RANBP17: variants seen among roughly 807,000 people sequenced by gnomAD.
The protein encoded by RANBP17 is RAN binding protein 17.
RANBP17 carries 158 observed loss-of-function variants against 141.2 expected under a neutral mutation model. The observed-to-expected ratio is 1.12, with a 90% CI of 0.98 to 1.28. RANBP17 has a LOEUF of 1.28. Ranked by LOEUF, RANBP17 falls within the 50% of genes most tolerant of loss-of-function variation. The probability of loss-of-function intolerance (pLI) is 0.00; values close to 1 mark genes in which losing one functional copy is unlikely to be tolerated. For missense variants in RANBP17, 1,438 were observed against 1,290.7 expected, an observed-to-expected ratio of 1.11 and a Z score of -1.75; for synonymous variants, 430 against 450.0, an observed-to-expected ratio of 0.96 and a Z score of 0.56.
intron 14 of RANBP17, among the ~76,000 whole-genome samples, chr5:171,062,832 C>A (rs1783993961): frequency 6.6e-6 from 1 of 152,156 alleles, no homozygotes; most frequent in African/African-American, 2.4e-5. Context: ...CACATAGTCC[C>A]ATATTTCTTG....
At chr5:171,205,444 G>A in intron 19 of RANBP17, 80 bp from the exon 20 acceptor site, 1 of 1,110,032 alleles carries the variant, frequency 9.0e-7, no homozygotes, top group East Asian at 2.4e-5. Context: ...TCAGATATGT[G>A]GTCATTATTG....
At chr5:171,048,214 C>T (rs1274085647) in intron 14 of RANBP17, among the ~76,000 whole-genome samples, 2 of 152,128 alleles carry the variant, frequency 1.3e-5, no homozygotes, top group Non-Finnish European at 2.9e-5. Context: ...AGGTGCACTA[C>T]ACACCCAACT....
At chr5:171,070,199 G>A (rs1448359230) in intron 14 of RANBP17, among the ~76,000 whole-genome samples, 1 of 152,030 alleles carries the variant, frequency 6.6e-6, no homozygotes, top group African/African-American at 2.4e-5. Flanking sequence ...TACTTGTAGG[G>A]CACTTTAATT....
At chr5:171,050,920 ATAGAAT>A (rs1330044392) in intron 14 of RANBP17, among the ~76,000 whole-genome samples, 1 of 152,182 alleles carries the variant, frequency 6.6e-6, no homozygotes, top group African/African-American at 2.4e-5. Flanking sequence ...GTATTCTCTA[ATAGAAT>A]TAGAATTAGA....
In RANBP17 at chr5:170,968,347, T is replaced by C. The variant is rs1054992173; in HGVS notation, c.1680T>C (p.Tyr560=). Residue 560 remains tyrosine (Y), a synonymous_variant, in exon 14 of 28, where the codon TAT becomes TAC. Coordinates refer to ENST00000523189, the MANE Select transcript of RANBP17 (RefSeq NM_022897.5). ...TCTTGGATCAGTTTCGTAAAACATA[T>C]GTTGGTGATCAACTTCAAAGAACCT... ...LWFLDQFRKT[Y]VGDQLQRTSK... 3.1e-6 allele frequency: 5 copies of C among 1,607,310 alleles called. No individual in the cohort carries two copies. The highest frequency in any genetic ancestry group is 2.7e-5 in the African/African-American group (2 of 74,562).
At position 171,219,069 on chromosome 5, in the gene RANBP17, CTT is replaced by C. The variant is rs1763399883; in HGVS notation, c.2340-2688_2340-2687del. Among the ~76,000 whole-genome samples, 4 of 152,120 alleles carry C rather than the reference CTT, an allele frequency of 2.6e-5. No individual in the cohort carries two copies. In the South Asian group the frequency reaches 8.3e-4, roughly 32 times the overall value. On this transcript the variant is annotated intron_variant, in intron 21 of 27. Coordinates refer to ENST00000523189, the MANE Select transcript of RANBP17 (RefSeq NM_022897.5). ...ATATTTAGCACTTACTTTAGGAGCT[CTT>C]GTAAGGCAGACCTGGTGGTGACAAA...
chr5:171,118,550 A>G (rs776090229), intron 14 of RANBP17, among the ~76,000 whole-genome samples: 2 of 151,922 alleles, frequency 1.3e-5, no homozygotes, highest in Admixed American at 6.5e-5. Context: ...TTTTCTTTGT[A>G]TGTATCCTCT....
chr5:171,037,534 G>A (rs1241464860), intron 14 of RANBP17, among the ~76,000 whole-genome samples: 1 of 152,062 alleles, frequency 6.6e-6, no homozygotes, highest in Non-Finnish European at 1.5e-5. Context: ...CCAGAATGAT[G>A]TTTCCTAGGT....
chr5:170,940,552 A>G (rs1256806676), intron 12 of RANBP17, among the ~76,000 whole-genome samples: 4 of 152,174 alleles, frequency 2.6e-5, no homozygotes, highest in African/African-American at 7.2e-5. Context: ...AACCTGTATA[A>G]CAATTTTAGA....
At chr5:171,252,386 T>C (rs1022138319) in intron 24 of RANBP17, 3 of 1,536,072 alleles carry the variant, frequency 2.0e-6, no homozygotes, top group Admixed American at 3.3e-5. Context: ...TGTGAAACTA[T>C]GAGCAGCAAA....
intron 14 of RANBP17, among the ~76,000 whole-genome samples, chr5:171,110,231 G>T (rs534148666): frequency 4.6e-5 from 7 of 151,752 alleles, no homozygotes; most frequent in Non-Finnish European, 1.0e-4. Flanking sequence ...CTTAGGCTTC[G>T]GTTTCCTCAT....
chr5:171,230,532 G>T (rs1045692776), intron 22 of RANBP17, among the ~76,000 whole-genome samples: 2 of 152,098 alleles, frequency 1.3e-5, no homozygotes, highest in Non-Finnish European at 2.9e-5. Context: ...AGGCCGAGGC[G>T]TGTGGATCAC....
intron 14 of RANBP17, among the ~76,000 whole-genome samples, chr5:171,110,047 G>A (rs1408763309): frequency 6.6e-6 from 1 of 151,916 alleles, no homozygotes; most frequent in Non-Finnish European, 1.5e-5. Context: ...CTTAGAAGTG[G>A]TAGTATTATG....
At chr5:171,270,519 A>G (rs753671450) in intron 25 of RANBP17, among the ~76,000 whole-genome samples, 1 of 152,204 alleles carries the variant, frequency 6.6e-6, no homozygotes, top group Non-Finnish European at 1.5e-5. Flanking sequence ...TTAGTAGCAG[A>G]TAAGACACTG....
intron 16 of RANBP17, among the ~76,000 whole-genome samples, chr5:171,180,216 G>A (rs543593012): frequency 6.6e-6 from 1 of 152,234 alleles, no homozygotes; most frequent in South Asian, 2.1e-4. Context: ...ACCTGATTCC[G>A]ATTTCAATTG....
At chr5:171,021,428 C>T (rs1780848429) in intron 14 of RANBP17, among the ~76,000 whole-genome samples, 1 of 152,176 alleles carries the variant, frequency 6.6e-6, no homozygotes, top group South Asian at 2.1e-4. Context: ...TAGGTTTGGT[C>T]TTTTCTCATA....
chr5:171,065,162 A>G (rs974696832), intron 14 of RANBP17, among the ~76,000 whole-genome samples: 1 of 152,082 alleles, frequency 6.6e-6, no homozygotes, highest in African/African-American at 2.4e-5. Context: ...TTTGGAGTTT[A>G]TTCTTGGGTG....
chr5:171,214,295 T>C lies in RANBP17; in HGVS notation c.2339+557T>C, dbSNP rs562513171. On this transcript the variant is annotated intron_variant, in intron 21 of 27. Transcript: ENST00000523189. Reference sequence around the variant, plus strand: ...ACAGTTTTCATTGAGAGAGCAACTATAATACTTCTCTGAAATTGCCCAGTT... The same window carrying C: ...ACAGTTTTCATTGAGAGAGCAACTACAATACTTCTCTGAAATTGCCCAGTT... Among the ~76,000 whole-genome samples, 18 of 152,342 alleles carry C rather than the reference T, an allele frequency of 1.2e-4. No individual in the cohort carries two copies. In the South Asian group the frequency reaches 3.5e-3, roughly 30 times the overall value.
At chr5:171,057,587 G>A (rs1389094915) in intron 14 of RANBP17, among the ~76,000 whole-genome samples, 3 of 152,086 alleles carry the variant, frequency 2.0e-5, no homozygotes, top group East Asian at 1.9e-4. Context: ...GATACTGTAC[G>A]AATAACTTTG....
Sources: gnomAD v4.1 joint callset for allele counts (sites outside exome capture counted in the v4.1 genomes callset) on GRCh38, gnomAD v4.1.1 for gene constraint, MANE v1.5 for transcripts, NCBI Gene and HGNC (gene_info 2026-07-23, HGNC 2026-07-21) for gene names.